Variants in LDAH observed in about 807,000 individuals in gnomAD.
The protein encoded by LDAH is lipid droplet-associated hydrolase.
In LDAH, 26 loss-of-function variants were observed where a neutral mutation model predicts 29.6. The ratio of observed to expected loss-of-function variants is 0.88; its 90% confidence interval spans 0.64 to 1.22. LDAH has a LOEUF of 1.22. LDAH is among the 50% of genes most tolerant of loss of function. The pLI is 0.00. For missense variants in LDAH, 344 were observed against 387.3 expected (o/e 0.89, Z 0.94); for synonymous variants, 117 against 133.0 (o/e 0.88, Z 0.83).
chr2:20,705,391 A>C (rs1362804338), intron 5 of LDAH, among the ~76,000 whole-genome samples: 2 of 152,170 alleles, frequency 1.3e-5, no homozygotes. Context: ...TTCCTTAATT[A>C]GACTGGAAAT....
chr2:20,689,263 A>C (rs1355636342), intron 6 of LDAH, among the ~76,000 whole-genome samples: 2 of 152,214 alleles, frequency 1.3e-5, no homozygotes, highest in Non-Finnish European at 2.9e-5. Context: ...GAGGACCTGC[A>C]ACTTACAGAT....
chr2:20,786,721 C>A (rs1020077710), intron 3 of LDAH, among the ~76,000 whole-genome samples: 2 of 152,146 alleles, frequency 1.3e-5, no homozygotes, highest in Non-Finnish European at 2.9e-5. Context: ...GATTAAACCT[C>A]AGTCTTTCAG....
At chr2:20,712,868 T>A (rs560824523) in intron 5 of LDAH, among the ~76,000 whole-genome samples, 1 of 152,158 alleles carries the variant, frequency 6.6e-6, no homozygotes. Context: ...GAACAAAGCC[T>A]CCAAGAAATA....
intron 4 of LDAH, among the ~76,000 whole-genome samples, chr2:20,754,564 G>A (rs1014779379): frequency 6.7e-6 from 1 of 150,302 alleles, no homozygotes; most frequent in Non-Finnish European, 1.5e-5. Context: ...GAGAAATTCT[G>A]CATAACATCT....
At chr2:20,740,324 CAG>C in intron 4 of LDAH, 119 bp from the exon 5 acceptor site, 1 of 709,554 alleles carries the variant, frequency 1.4e-6, no homozygotes, top group African/African-American at 1.8e-5. Context: ...GAGATCTCTT[CAG>C]AGTGAGAAGA....
rs138398554 is a variant in LDAH, at chr2:20,778,566, A to T, written c.299-3587T>A. Among the ~76,000 whole-genome samples the T allele has an allele frequency of 4.9e-4, 75 of 152,300 alleles. No homozygotes were observed. The East Asian group carries it at 0.013, about 26-fold the overall frequency. Reference sequence around the variant, plus strand: ...ACTACTCTGACAGAAAACAGTGACTAATTGGCCCTTGGTATTATTGAAAGT... The same window carrying T: ...ACTACTCTGACAGAAAACAGTGACTTATTGGCCCTTGGTATTATTGAAAGT... On this transcript the variant is annotated intron_variant, in intron 3 of 6. Coordinates refer to ENST00000237822, the MANE Select transcript of LDAH (RefSeq NM_021925.4).
chr2:20,822,184 G>A (rs1205407998), intron 1 of LDAH, among the ~76,000 whole-genome samples: 1 of 151,568 alleles, frequency 6.6e-6, no homozygotes, highest in Non-Finnish European at 1.5e-5. Context: ...GAGTGCAGTG[G>A]CGCCATCTCG....
Position 20,742,904 on chromosome 2 carries a change from C to A in LDAH, c.469-2699G>T, listed in dbSNP as rs180802715. Among the ~76,000 whole-genome samples, 1,172 of 150,754 alleles carry A rather than the reference C, an allele frequency of 7.8e-3. 18 individuals carry two copies. The highest frequency in any genetic ancestry group is 0.027 in the African/African-American group (1,122 of 40,968). ...CCTTCTGAGTAGCTGGGGCTACAGG[C>A]ACACACCACCACGCCTGGCTAATTT... On this transcript the variant is annotated intron_variant, in intron 4 of 6. Transcript: ENST00000237822.
At chr2:20,814,515 C>T (rs1672722494) in intron 1 of LDAH, among the ~76,000 whole-genome samples, 2 of 152,138 alleles carry the variant, frequency 1.3e-5, no homozygotes, top group South Asian at 4.2e-4. Context: ...GGCTGGAATA[C>T]AGGGGCACAA....
At chr2:20,773,569 G>A (rs1032981535) in intron 4 of LDAH, among the ~76,000 whole-genome samples, 16 of 152,136 alleles carry the variant, frequency 1.1e-4, no homozygotes, top group African/African-American at 3.9e-4. Context: ...CAACACAGTA[G>A]ACAATAATAC....
Position 20,684,928 on chromosome 2 carries a change from G to GA in LDAH, c.*1974dup. 6.5e-7 allele frequency: 1 copy of GA among 1,549,316 alleles called. No individual in the cohort carries two copies. On this transcript the variant is annotated 3_prime_UTR_variant, in exon 7 of 7. Coordinates refer to ENST00000237822, the MANE Select transcript of LDAH (RefSeq NM_021925.4). Reference sequence around the variant, plus strand: ...CTTGAAATCTGATTCTTCCACCTATGAAAAAAGCAATGAGAAAGGTGGCTT... The same window carrying GA: ...CTTGAAATCTGATTCTTCCACCTATGAAAAAAAGCAATGAGAAAGGTGGCTT...
At chr2:20,765,687 G>A (rs531160552) in intron 4 of LDAH, among the ~76,000 whole-genome samples, 2 of 152,206 alleles carry the variant, frequency 1.3e-5, no homozygotes, top group Admixed American at 6.5e-5. Context: ...TGGAAGACCC[G>A]AGAAGGTTTC....
chr2:20,745,275 A>C (rs921715307), intron 4 of LDAH, among the ~76,000 whole-genome samples: 1 of 152,226 alleles, frequency 6.6e-6, no homozygotes, highest in Non-Finnish European at 1.5e-5. Flanking sequence ...AACAGTGTAC[A>C]AGGCACACAA....
chr2:20,750,628 T>C (rs955376825), intron 4 of LDAH, among the ~76,000 whole-genome samples: 9 of 152,230 alleles, frequency 5.9e-5, no homozygotes, highest in African/African-American at 2.2e-4. Context: ...TACAGCAAAG[T>C]TTGCATTAAG....
intron 3 of LDAH, among the ~76,000 whole-genome samples, chr2:20,787,347 G>A (rs1670628364): frequency 6.6e-6 from 1 of 150,844 alleles, no homozygotes; most frequent in Non-Finnish European, 1.5e-5. Context: ...AGGCTGGAGT[G>A]CAGTGGCACA....
intron 3 of LDAH, among the ~76,000 whole-genome samples, chr2:20,782,246 A>T (rs1392682618): frequency 6.6e-6 from 1 of 152,184 alleles, no homozygotes; most frequent in African/African-American, 2.4e-5. Context: ...TAAACCCTCC[A>T]GGTGATTTTG....
chr2:20,720,696 A>G (rs936139542), intron 5 of LDAH, among the ~76,000 whole-genome samples: 6 of 152,162 alleles, frequency 3.9e-5, no homozygotes, highest in Non-Finnish European at 7.4e-5. Flanking sequence ...CAAAAACAAA[A>G]AAACAAAGCT....
chr2:20,759,948 G>A (rs1034070184), intron 4 of LDAH, among the ~76,000 whole-genome samples: 4 of 152,212 alleles, frequency 2.6e-5, no homozygotes, highest in East Asian at 1.9e-4. Flanking sequence ...TTGGTCAGAT[G>A]AGATTTGAAT....
At chr2:20,785,841 G>A (rs1322087832) in intron 3 of LDAH, among the ~76,000 whole-genome samples, 10 of 152,104 alleles carry the variant, frequency 6.6e-5, no homozygotes, top group Non-Finnish European at 1.3e-4. Context: ...TTGTTACGGT[G>A]TTTTCTAATA....
Sources: allele counts gnomAD v4.1 joint callset (sites outside exome capture counted in the v4.1 genomes callset), GRCh38; gene constraint gnomAD v4.1.1; transcripts MANE v1.5; gene names NCBI Gene and HGNC (gene_info 2026-07-23, HGNC 2026-07-21).